MSH3: variants seen among roughly 807,000 people sequenced by gnomAD.
The protein encoded by MSH3 is mutS homolog 3.
Under a neutral mutation model 123.3 loss-of-function variants are expected in MSH3, and 106 were observed. The ratio of observed to expected loss-of-function variants is 0.86; its 90% CI spans 0.73 to 1.01. MSH3 has a LOEUF of 1.01. Among genes scored for constraint, MSH3 ranks in the 50% least tolerant of loss-of-function variants. The probability of loss-of-function intolerance (pLI) is 0.00; values close to 1 mark genes in which losing one functional copy is unlikely to be tolerated. For synonymous variants in MSH3, 515 were observed against 481.4 expected, an observed-to-expected ratio of 1.07 and a Z score of -0.91; for missense variants, 1,459 against 1,347.6, an observed-to-expected ratio of 1.08 and a Z score of -1.29.
intron 8 of MSH3, among the ~76,000 whole-genome samples, chr5:80,687,641 T>A (rs996553227): frequency 4.6e-5 from 7 of 152,018 alleles, no homozygotes; most frequent in African/African-American, 1.7e-4. Flanking sequence ...AGGCTGGAAA[T>A]ATTAGAGAAG....
At chr5:80,716,240 T>C (rs574515465) in intron 8 of MSH3, among the ~76,000 whole-genome samples, 1 of 152,340 alleles carries the variant, frequency 6.6e-6, no homozygotes, top group Middle Eastern at 3.4e-3. Context: ...ACACCTATCT[T>C]TCAACTGCTT....
intron 12 of MSH3, among the ~76,000 whole-genome samples, chr5:80,751,706 GA>G (rs1160577290): frequency 6.6e-6 from 1 of 152,152 alleles, no homozygotes; most frequent in African/African-American, 2.4e-5. Flanking sequence ...CCTTACTGCA[GA>G]ATGACCTCAT....
At chr5:80,782,555 C>T (rs944401465) in intron 17 of MSH3, among the ~76,000 whole-genome samples, 2 of 152,036 alleles carry the variant, frequency 1.3e-5, no homozygotes, top group African/African-American at 4.8e-5. Flanking sequence ...GCAGGGGGTC[C>T]TAGAACCAAT....
intron 21 of MSH3, among the ~76,000 whole-genome samples, chr5:80,863,715 C>A (rs1024763043): frequency 1.3e-5 from 2 of 151,636 alleles, no homozygotes; most frequent in Admixed American, 6.6e-5. Context: ...TGGGACAACT[C>A]CAAGCAGGGG....
At chr5:80,677,260 T>C (rs114034818) in intron 7 of MSH3, among the ~76,000 whole-genome samples, 12 of 152,302 alleles carry the variant, frequency 7.9e-5, no homozygotes, top group Admixed American at 4.6e-4. Flanking sequence ...TTTGCTGTTG[T>C]AGTATCACTG....
At chr5:80,774,929 A>G (rs1744273342) in intron 15 of MSH3, among the ~76,000 whole-genome samples, 1 of 152,190 alleles carries the variant, frequency 6.6e-6, no homozygotes, top group Non-Finnish European at 1.5e-5. Flanking sequence ...TAATAATTTA[A>G]TTGTACATTT....
intron 10 of MSH3, among the ~76,000 whole-genome samples, chr5:80,734,886 C>T (rs1743476409): frequency 6.6e-6 from 1 of 152,168 alleles, no homozygotes; most frequent in Non-Finnish European, 1.5e-5. Flanking sequence ...CTCAGGGTCA[C>T]GGTTCTGCAC....
At chr5:80,681,454 A>C (rs1252698577) in intron 8 of MSH3, among the ~76,000 whole-genome samples, 1 of 152,066 alleles carries the variant, frequency 6.6e-6, no homozygotes, top group Non-Finnish European at 1.5e-5. Flanking sequence ...ATCTTAAGGA[A>C]ATCATCAGAA....
chr5:80,699,541 G>A (rs1264232010), intron 8 of MSH3, among the ~76,000 whole-genome samples: 2 of 113,796 alleles, frequency 1.8e-5, no homozygotes, highest in East Asian at 5.2e-4. Context: ...CTGGGCAACA[G>A]AGTACAACAC....
In MSH3 at chr5:80,722,579, C is replaced by T. The variant is rs146978795; in HGVS notation, c.1341-2874C>T. Among the ~76,000 whole-genome samples, 23 of 152,230 alleles carry T rather than the reference C, an allele frequency of 1.5e-4. No individual in the cohort carries two copies. In the East Asian group the frequency reaches 3.9e-3, roughly 26 times the overall value. Reference sequence around the variant, plus strand: ...GCAGTAGAGTCCCCTGATGCTGGGCCGGGCCCCACCCAACACCTGTTCCTG... The same window carrying T: ...GCAGTAGAGTCCCCTGATGCTGGGCTGGGCCCCACCCAACACCTGTTCCTG... On this transcript the variant is annotated intron_variant, in intron 8 of 23. Transcript: ENST00000265081.
At chr5:80,838,735 A>C (rs975443153) in intron 20 of MSH3, among the ~76,000 whole-genome samples, 5 of 152,174 alleles carry the variant, frequency 3.3e-5, no homozygotes, top group African/African-American at 1.2e-4. Context: ...ACAACCACAT[A>C]GAAAAGTTAT....
At chr5:80,662,840 A>ATT (rs1554066672) in intron 2 of MSH3, among the ~76,000 whole-genome samples, 3 of 149,442 alleles carry the variant, frequency 2.0e-5, no homozygotes, top group Admixed American at 6.7e-5. Context: ...AAAAAAAAAA[A>ATT]TTTTATTTGG....
At chr5:80,757,436 T>C (rs26780) in intron 12 of MSH3, among the ~76,000 whole-genome samples, 34,476 of 152,086 alleles carry the variant, frequency 0.23, 4,090 homozygotes, top group Non-Finnish European at 0.27. Flanking sequence ...GGTCACACTC[T>C]GTGTTTCTGA....
intron 21 of MSH3, among the ~76,000 whole-genome samples, chr5:80,861,026 A>G: frequency 6.6e-6 from 1 of 152,114 alleles, no homozygotes; most frequent in South Asian, 2.1e-4. Flanking sequence ...TTTTCTTAGA[A>G]TATGCATCTC....
chr5:80,700,394 A>G (rs2112837471), intron 8 of MSH3, among the ~76,000 whole-genome samples: 1 of 152,324 alleles, frequency 6.6e-6, no homozygotes, highest in Middle Eastern at 3.4e-3. Flanking sequence ...TAGAGATGGT[A>G]GTGACTAAAT....
intron 8 of MSH3, among the ~76,000 whole-genome samples, chr5:80,699,671 G>A (rs768700849): frequency 2.6e-5 from 4 of 151,456 alleles, no homozygotes; most frequent in Non-Finnish European, 4.4e-5. Flanking sequence ...TACAGATGTA[G>A]CCAATTCATT....
At chr5:80,698,489 G>A (rs1327510849) in intron 8 of MSH3, among the ~76,000 whole-genome samples, 1 of 152,170 alleles carries the variant, frequency 6.6e-6, no homozygotes, top group East Asian at 1.9e-4. Flanking sequence ...CATCATGCTA[G>A]TTTGCTAGAG....
chr5:80,668,370 C>T lies in MSH3; in HGVS notation c.580-1727C>T, dbSNP rs945054773. ...CTTCACCCGGACCTGACCCTTTCTG[C>T]TCAGGAGCCTGTCTGCCTCCTGCCG... is the stretch of plus-strand genomic sequence containing the variant. On this transcript the variant is annotated intron_variant, in intron 3 of 23. Coordinates refer to ENST00000265081, the MANE Select transcript of MSH3 (RefSeq NM_002439.5). Among the ~76,000 whole-genome samples, 4 of 152,278 alleles carry T rather than the reference C, an allele frequency of 2.6e-5. No individual in the cohort carries two copies. In the South Asian group the frequency reaches 8.3e-4, roughly 32 times the overall value.
At chr5:80,668,161 A>G (rs1488859118) in intron 3 of MSH3, among the ~76,000 whole-genome samples, 1 of 152,108 alleles carries the variant, frequency 6.6e-6, no homozygotes, top group Non-Finnish European at 1.5e-5. Flanking sequence ...CTCCGCAGGC[A>G]GGTTGTCTGC....
Sources: gnomAD v4.1 joint callset for allele counts (sites outside exome capture counted in the v4.1 genomes callset) on GRCh38, gnomAD v4.1.1 for gene constraint, MANE v1.5 for transcripts, NCBI Gene and HGNC (gene_info 2026-07-23, HGNC 2026-07-21) for gene names.